The following GUCY1A1 variants were observed in gnomAD, a reference collection of about 807,000 sequenced individuals.
GUCY1A1 encodes guanylate cyclase soluble subunit alpha-1.
In GUCY1A1, 48 loss-of-function variants were observed where a neutral mutation model predicts 64.5. The ratio of observed to expected loss-of-function variants is 0.74; its 90% CI spans 0.59 to 0.95. The LOEUF (loss-of-function observed/expected upper bound fraction) is 0.95. GUCY1A1 is among the 40% of genes least tolerant of loss of function. The pLI, the probability that GUCY1A1 is intolerant of heterozygous loss-of-function variation, is 0.00. For synonymous variants in GUCY1A1, 308 were observed against 303.4 expected (o/e 1.02, Z -0.16); for missense variants, 804 against 825.3 (o/e 0.97, Z 0.32).
rs1735523990 is a variant in GUCY1A1, at chr4:155,731,355, T to C, written c.*1124T>C. On this transcript the variant is annotated 3_prime_UTR_variant, in exon 10 of 10. Coordinates refer to ENST00000506455, the MANE Select transcript of GUCY1A1 (RefSeq NM_001130682.3). Reference sequence around the variant, plus strand: ...TTGGTGTATGTCTATGAACTAAGAATCAAGTTTTTGTCTCATTAAATATAC... The same window carrying C: ...TTGGTGTATGTCTATGAACTAAGAACCAAGTTTTTGTCTCATTAAATATAC... 1.3e-5 allele frequency: 2 copies of C among 151,868 alleles called. No homozygotes were observed. The highest frequency in any genetic ancestry group is 1.3e-4 in the Admixed American group (2 of 15,222). 9.4% of individuals were successfully genotyped at this position (151,868 alleles called of 1,614,324 possible).
rs1736206638 is a variant in GUCY1A1, at chr4:155,684,151, T to C, written c.-112-12605T>C. Reference sequence around the variant, plus strand: ...GAAATGAATAGGAAAAATTGTTTGGTATTTCTTTAAATTTTCTCTATTTTG... The same window carrying C: ...GAAATGAATAGGAAAAATTGTTTGGCATTTCTTTAAATTTTCTCTATTTTG... On this transcript the variant is annotated intron_variant, in intron 2 of 9. Transcript: ENST00000506455. Among the ~76,000 whole-genome samples, 5 of 152,254 alleles carry C rather than the reference T, an allele frequency of 3.3e-5. No individual in the cohort carries two copies. In the South Asian group the frequency reaches 8.3e-4, roughly 25 times the overall value.
At chr4:155,679,366 T>C (rs1735396613) in intron 2 of GUCY1A1, among the ~76,000 whole-genome samples, 1 of 152,198 alleles carries the variant, frequency 6.6e-6, no homozygotes, top group South Asian at 2.1e-4. Flanking sequence ...CAAAAGAGGT[T>C]TATTTGGCTC....
intron 2 of GUCY1A1, among the ~76,000 whole-genome samples, chr4:155,692,521 T>C (rs1409158039): frequency 2.6e-5 from 4 of 152,212 alleles, no homozygotes; most frequent in African/African-American, 9.6e-5. Flanking sequence ...TATCTCATTG[T>C]GGTTTTTGAT....
At position 155,722,080 on chromosome 4, in the gene GUCY1A1, G is replaced by A. The variant is rs776911746; in HGVS notation, c.1759G>A (p.Val587Ile). 25 of 1,613,554 alleles carry A rather than the reference G, an allele frequency of 1.5e-5. No homozygotes were observed. The highest frequency in any genetic ancestry group is 6.6e-5 in the South Asian group (6 of 91,056). ...LHSGSVFAGV[V>I]GVKMPRYCLF... Reference sequence around the variant, plus strand: ...CTCTGGATCAGTTTTTGCTGGCGTCGTTGGAGTTAAAATGCCCCGTTACTG... The same window carrying A: ...CTCTGGATCAGTTTTTGCTGGCGTCATTGGAGTTAAAATGCCCCGTTACTG... The change falls in exon 9 of 10, where the codon GTT (valine) becomes ATT (isoleucine). Residue 587 changes from valine (V) to isoleucine (I), a missense_variant. By Grantham distance (29) the Val-to-Ile change is conservative. Coordinates refer to ENST00000506455, the MANE Select transcript of GUCY1A1 (RefSeq NM_001130682.3).
intron 2 of GUCY1A1, among the ~76,000 whole-genome samples, chr4:155,676,383 G>A (rs568765166): frequency 2.7e-5 from 4 of 149,104 alleles, no homozygotes; most frequent in South Asian, 2.1e-4. Flanking sequence ...TTTCCACATC[G>A]GCATGTTATG....
At position 155,734,033 on chromosome 4, in the gene GUCY1A1, T is replaced by A. The variant is rs1159725437; in HGVS notation, c.*3802T>A. On this transcript the variant is annotated 3_prime_UTR_variant, in exon 10 of 10. Coordinates refer to ENST00000506455, the MANE Select transcript of GUCY1A1 (RefSeq NM_001130682.3). ...TGGTAGGGAGGAAAGAAGAGTTGCT[T>A]CAGCATTTTGACTAACATTTCTTCC... Among the ~76,000 whole-genome samples, 3 of 151,940 alleles carry A rather than the reference T, an allele frequency of 2.0e-5. No individual in the cohort carries two copies. The highest frequency in any genetic ancestry group is 4.4e-5 in the Non-Finnish European group (3 of 67,922).
chr4:155,686,350 G>A lies in GUCY1A1; in HGVS notation c.-112-10406G>A, dbSNP rs964380246. On this transcript the variant is annotated intron_variant, in intron 2 of 9. Transcript: ENST00000506455. ...AAAAAAATTAGCCGGGCGTGGTGGCGTGCGCCTGTTGTCCCAGCTACTCAG... is the reference window on the plus strand; with the variant it reads ...AAAAAAATTAGCCGGGCGTGGTGGCATGCGCCTGTTGTCCCAGCTACTCAG... Among the ~76,000 whole-genome samples the A allele has an allele frequency of 1.1e-4, 16 of 152,188 alleles. 1 individual carries two copies. Among genetic ancestry groups the A allele is most frequent in the East Asian group, 9.7e-4 (5 of 5,158 alleles).
At chr4:155,692,875 A>G (rs1729934942) in intron 2 of GUCY1A1, among the ~76,000 whole-genome samples, 1 of 152,092 alleles carries the variant, frequency 6.6e-6, no homozygotes, top group Non-Finnish European at 1.5e-5. Flanking sequence ...CCTGGCCAGC[A>G]TGGCGAAACC....
chr4:155,730,309 A>T lies in GUCY1A1; in HGVS notation c.*78A>T, dbSNP rs1579142449. 2.4e-6 allele frequency: 2 copies of T among 822,058 alleles called. No individual in the cohort carries two copies. Among genetic ancestry groups the T allele is most frequent in the East Asian group, 5.0e-5 (2 of 39,934 alleles). 50.9% of individuals were successfully genotyped at this position (822,058 alleles called of 1,614,324 possible). A position where few individuals can be genotyped will look rare whatever the true frequency, so the allele number is the denominator to read the frequency against. On this transcript the variant is annotated 3_prime_UTR_variant, in exon 10 of 10. Transcript: ENST00000506455. ...TAGAGCCTCTGAAAGCACTTTAGGG[A>T]TTGTAGATGGCTAACAAGCAGTATT...
intron 8 of GUCY1A1, 131 bp downstream of exon 8, chr4:155,717,433 C>T: frequency 2.1e-6 from 1 of 483,780 alleles, no homozygotes; most frequent in Non-Finnish European, 3.5e-6. Flanking sequence ...ATAGAGAACA[C>T]AATCTTCTCT....
intron 7 of GUCY1A1, 105 bp downstream of exon 7, chr4:155,713,688 A>C: frequency 8.0e-7 from 1 of 1,246,668 alleles, no homozygotes; most frequent in East Asian, 2.5e-5. Flanking sequence ...CCACCTCTGT[A>C]GGGTCTTGCA....
At chr4:155,682,449 G>A (rs886720356) in intron 2 of GUCY1A1, among the ~76,000 whole-genome samples, 6 of 152,086 alleles carry the variant, frequency 3.9e-5, no homozygotes, top group African/African-American at 1.4e-4. Context: ...GGCTGAGCGG[G>A]GCGGATCACG....
Position 155,717,159 on chromosome 4 carries a change from G to T in GUCY1A1, c.1573G>T (p.Val525Leu). The T allele has an allele frequency of 4.0e-6, 6 of 1,487,792 alleles. No homozygotes were observed. The highest frequency in any genetic ancestry group is 4.5e-6 in the Non-Finnish European group (5 of 1,106,032). 92.2% of individuals were successfully genotyped at this position (1,487,792 alleles called of 1,614,324 possible). A position where few individuals can be genotyped will look rare whatever the true frequency, so the allele number is the denominator to read the frequency against. Residue 525 changes from valine (V) to leucine (L), a missense_variant and splice_region_variant, in exon 8 of 10, where the codon GTG (valine) becomes TTG (leucine). Coordinates refer to ENST00000506455, the MANE Select transcript of GUCY1A1 (RefSeq NM_001130682.3). ...AGTATGGAAAATATATTATGTCTAG[G>T]TGGAGACCATTGGCGATGCCTATTG... ...QQCGELDVYKVETIGDAYCVA... is the reference protein window; with the variant it reads ...QQCGELDVYKLETIGDAYCVA...
rs191107650 is a variant in GUCY1A1, at chr4:155,678,258, A to G, written c.-113+10839A>G. 2.1e-3 allele frequency among the ~76,000 whole-genome samples: 319 copies of G among 152,332 alleles called. 3 individuals are homozygous for G. The highest frequency in any genetic ancestry group is 7.2e-3 in the African/African-American group (299 of 41,572). The stretch of plus-strand genomic sequence containing the variant: ...GAGAGAATGAGAATGAAAAAGGTGC[A>G]TAATATTAGAATATTGTTATGAAAA... On this transcript the variant is annotated intron_variant, in intron 2 of 9. Coordinates refer to ENST00000506455, the MANE Select transcript of GUCY1A1 (RefSeq NM_001130682.3).
At chr4:155,679,814 T>C (rs562923888) in intron 2 of GUCY1A1, among the ~76,000 whole-genome samples, 2 of 152,232 alleles carry the variant, frequency 1.3e-5, no homozygotes, top group Non-Finnish European at 2.9e-5. Flanking sequence ...GTTGTTCCAA[T>C]GGCATTTTTA....
chr4:155,676,304 T>TTG lies in GUCY1A1; in HGVS notation c.-113+8886_-113+8887insGT, dbSNP rs1734930231. Among the ~76,000 whole-genome samples, 4 of 148,578 alleles carry TTG rather than the reference T, an allele frequency of 2.7e-5. No homozygotes were observed. The South Asian group carries it at 8.5e-4, about 32-fold the overall frequency. On this transcript the variant is annotated intron_variant, in intron 2 of 9. Transcript: ENST00000506455. Reference sequence around the variant, plus strand: ...AGAATGTCCTAAGAAGAGCTGGTTTTTTTTTTTTTTTTTTTAACAATTTTG... The same window carrying TTG: ...AGAATGTCCTAAGAAGAGCTGGTTTTTGTTTTTTTTTTTTTTTAACAATTTTG...
intron 8 of GUCY1A1, 88 bp from the exon 9 acceptor site, chr4:155,721,950 A>G (rs1260674368): frequency 1.1e-6 from 1 of 940,158 alleles, no homozygotes; most frequent in Non-Finnish European, 1.7e-6. Context: ...GTGAATGGTA[A>G]AATAATTTAG....
At chr4:155,688,272 A>T (rs933826245) in intron 2 of GUCY1A1, among the ~76,000 whole-genome samples, 1 of 151,732 alleles carries the variant, frequency 6.6e-6, no homozygotes, top group African/African-American at 2.4e-5. Flanking sequence ...ATTACAGAAG[A>T]GGGAAAATAA....
At chr4:155,729,914 C>A in intron 9 of GUCY1A1, 116 bp from the exon 10 acceptor site, 1 of 638,390 alleles carries the variant, frequency 1.6e-6, no homozygotes. Flanking sequence ...TTTTCTGTCA[C>A]TCACACCTAA....
Sources: allele counts gnomAD v4.1 joint callset (sites outside exome capture counted in the v4.1 genomes callset), GRCh38; gene constraint gnomAD v4.1.1; transcripts MANE v1.5; gene names NCBI Gene and HGNC (gene_info 2026-07-23, HGNC 2026-07-21).